Variants in PPM1E observed in about 807,000 individuals in gnomAD.
PPM1E encodes protein phosphatase 1E.
In PPM1E, 20 loss-of-function variants were observed where a neutral mutation model predicts 65.9. That is an observed-to-expected ratio of 0.30 (90% confidence interval 0.21 to 0.44). The LOEUF is 0.44. Ranked by LOEUF, PPM1E falls within the 20% of genes least tolerant of loss-of-function variation. The pLI is 1.00. For missense variants in PPM1E, 713 were observed against 953.1 expected (o/e 0.75, Z 3.32); for synonymous variants, 352 against 374.9 (o/e 0.94, Z 0.70).
rs2050434205 is a variant in PPM1E, at chr17:58,817,079, C to T, written c.464+60618C>T. ...AAAGTGCTGGGATTATAGGTGCGAG[C>T]CACCATGCCTAGCCTCAGAATCTCA... is the stretch of plus-strand genomic sequence containing the variant. On this transcript the variant is annotated intron_variant, in intron 1 of 6. Transcript: ENST00000308249. Among the ~76,000 whole-genome samples, 3 of 152,096 alleles carry T rather than the reference C, an allele frequency of 2.0e-5. No homozygotes were observed. In the South Asian group the frequency reaches 6.2e-4, roughly 32 times the overall value.
At chr17:58,896,657 A>C (rs890688854) in intron 1 of PPM1E, among the ~76,000 whole-genome samples, 2 of 152,202 alleles carry the variant, frequency 1.3e-5, no homozygotes, top group African/African-American at 4.8e-5. Context: ...AGGTTTAAGG[A>C]AAGAAGCCAG....
intron 1 of PPM1E, among the ~76,000 whole-genome samples, chr17:58,859,786 A>G (rs2050919512): frequency 6.6e-6 from 1 of 152,206 alleles, no homozygotes; most frequent in Non-Finnish European, 1.5e-5. Flanking sequence ...TTCCACCACC[A>G]TGTTTCCCAA....
rs568882869 is a variant in PPM1E at position 58,886,246 on chromosome 17, C to T, written c.465-69403C>T. Among the ~76,000 whole-genome samples the T allele has an allele frequency of 5.3e-5, 8 of 152,262 alleles. No homozygotes were observed. In the East Asian group the frequency reaches 1.5e-3, roughly 29 times the overall value. On this transcript the variant is annotated intron_variant, in intron 1 of 6. Transcript: ENST00000308249. ...AATACATATGCTTGATCTTCCTTTT[C>T]TTTTTGACAGAAGTCATCAGATGAA...
intron 1 of PPM1E, chr17:58,899,571 A>G: frequency 4.5e-6 from 1 of 224,126 alleles, no homozygotes. Flanking sequence ...GCTTCTGTAA[A>G]ATTGACAGAG....
intron 4 of PPM1E, 76 bp from the exon 5 acceptor site, chr17:58,972,056 T>C (rs779967655): frequency 4.3e-6 from 6 of 1,406,462 alleles, no homozygotes; most frequent in Non-Finnish European, 5.8e-6. Context: ...AAAAGCTTAA[T>C]TATAAATTGC....
At chr17:58,805,391 C>T (rs1040501146) in intron 1 of PPM1E, among the ~76,000 whole-genome samples, 1 of 152,136 alleles carries the variant, frequency 6.6e-6, no homozygotes, top group Non-Finnish European at 1.5e-5. Context: ...ACTGGGATTA[C>T]AGGCATGCGC....
rs1255546620 is a variant in PPM1E at position 58,980,311 on chromosome 17, G to A, written c.1548G>A (p.Gly516=). Residue 516 remains glycine (G), a synonymous_variant, in exon 7 of 7, where the codon GGG becomes GGA. Coordinates refer to ENST00000308249, the MANE Select transcript of PPM1E (RefSeq NM_014906.5). This position sits in a 1 kb window ranked among gnomAD's most constrained non-coding sequence, Gnocchi z 4.7. ...NSFQGGQEDG[G]DDKENHGECK... ...TTCAAGGAGGGCAAGAAGATGGTGG[G>A]GATGATAAGGAGAATCATGGAGAGT... 1.2e-6 allele frequency: 2 copies of A among 1,614,076 alleles called. No individual in the cohort carries two copies. Among genetic ancestry groups the A allele is most frequent in the Non-Finnish European group, 1.7e-6 (2 of 1,180,028 alleles).
chr17:58,906,616 G>A (rs1250890249), intron 1 of PPM1E, among the ~76,000 whole-genome samples: 1 of 152,112 alleles, frequency 6.6e-6, no homozygotes, highest in African/African-American at 2.4e-5. Context: ...GGGATTACAG[G>A]TATGAGCCAC....
intron 1 of PPM1E, among the ~76,000 whole-genome samples, chr17:58,939,445 C>T (rs2052033448): frequency 6.6e-6 from 1 of 152,138 alleles, no homozygotes; most frequent in South Asian, 2.1e-4. Context: ...TTAAAGCAAG[C>T]AAGACCCCAT....
intron 1 of PPM1E, among the ~76,000 whole-genome samples, chr17:58,769,691 A>G (rs750200633): frequency 4.6e-5 from 7 of 152,168 alleles, no homozygotes; most frequent in Non-Finnish European, 1.5e-5. Flanking sequence ...TATATTAAGT[A>G]TCTGATCTTT....
intron 1 of PPM1E, among the ~76,000 whole-genome samples, chr17:58,825,634 G>A (rs2050528416): frequency 1.3e-5 from 2 of 151,894 alleles, no homozygotes; most frequent in African/African-American, 4.8e-5. Context: ...TTGGCTCACT[G>A]CAACCTTCAC....
rs1158158641 is a variant in PPM1E, at chr17:58,775,920, C to CAAA, written c.464+19486_464+19488dup. Among the ~76,000 whole-genome samples the CAAA allele has an allele frequency of 1.3e-3, 69 of 52,498 alleles. 1 individual carries two copies. The highest frequency in any genetic ancestry group is 2.6e-3 in the South Asian group (2 of 760). The allele number at this position is 52,498 out of a possible 152,430, so 34.4% of individuals were successfully genotyped here. The stretch of plus-strand genomic sequence containing the variant: ...TGGGCGACAGAGCGAGACTCCGTCT[C>CAAA]AAAAAAAAAAAAAAAAAAAAAAAAA... On this transcript the variant is annotated intron_variant, in intron 1 of 6. Transcript: ENST00000308249.
Position 58,955,661 on chromosome 17 carries a change from C to G in PPM1E, c.477C>G (p.Ser159=), listed in dbSNP as rs778432206. The change falls in exon 2 of 7, where the codon TCC becomes TCG. Residue 159 remains serine (S), a synonymous_variant. Coordinates refer to ENST00000308249, the MANE Select transcript of PPM1E (RefSeq NM_014906.5). Reference sequence around the variant, plus strand: ...TTTTTTCTTGCAGTAATTGCCCTTCCTTTTTGGCTGCTGCTTTAGCCAGAG... The same window carrying G: ...TTTTTTCTTGCAGTAATTGCCCTTCGTTTTTGGCTGCTGCTTTAGCCAGAG... ...LQQLYKYNCP[S]FLAAALARAT... is the part of the protein sequence containing the mutation. The G allele has an allele frequency of 6.2e-7, 1 of 1,613,218 alleles. No homozygotes were observed. Among genetic ancestry groups the G allele is most frequent in the Admixed American group, 1.7e-5 (1 of 59,826 alleles).
chr17:58,934,943 TA>T (rs1567879844), intron 1 of PPM1E, among the ~76,000 whole-genome samples: 1 of 139,572 alleles, frequency 7.2e-6, no homozygotes, highest in African/African-American at 2.6e-5. Flanking sequence ...AAAAAGAAAA[TA>T]AAATAATTTT....
chr17:58,871,180 G>A (rs575927707), intron 1 of PPM1E, among the ~76,000 whole-genome samples: 92 of 152,116 alleles, frequency 6.0e-4, no homozygotes, highest in African/African-American at 2.0e-3. Context: ...GGGACTACAG[G>A]TGCACACCAC....
intron 1 of PPM1E, among the ~76,000 whole-genome samples, chr17:58,788,290 A>G (rs1251552370): frequency 6.6e-6 from 1 of 152,112 alleles, no homozygotes; most frequent in African/African-American, 2.4e-5. Flanking sequence ...ACCTCAAGTG[A>G]TCCACCTGCC....
chr17:58,765,063 T>A (rs1723012282), intron 1 of PPM1E, among the ~76,000 whole-genome samples: 2 of 2,144 alleles, frequency 9.3e-4, no homozygotes, highest in Non-Finnish European at 2.1e-3. Flanking sequence ...TTTTATGTTT[T>A]TGTTGGTGTG....
At chr17:58,974,100 C>T (rs183057225) in intron 6 of PPM1E, among the ~76,000 whole-genome samples, 1 of 152,178 alleles carries the variant, frequency 6.6e-6, no homozygotes, top group East Asian at 1.9e-4. Context: ...TGCACTCCAG[C>T]CTGGGCCAAG....
chr17:58,876,844 C>T (rs971740970), intron 1 of PPM1E, among the ~76,000 whole-genome samples: 2 of 151,982 alleles, frequency 1.3e-5, no homozygotes, highest in African/African-American at 2.4e-5. Flanking sequence ...AGTGCAGTGG[C>T]GCGATCTCGG....
Sources: gnomAD v4.1 joint callset for allele counts (sites outside exome capture counted in the v4.1 genomes callset) on GRCh38, gnomAD v4.1.1 for gene constraint, Gnocchi (gnomAD v3.1) non-coding constraint, MANE v1.5 for transcripts, NCBI Gene and HGNC (gene_info 2026-07-23, HGNC 2026-07-21) for gene names.